Variants in CTNNA3 observed in about 807,000 individuals in gnomAD.
The protein encoded by CTNNA3 is catenin alpha 3, also known as catenin alpha-3.
A neutral mutation model predicts 95.7 loss-of-function variants in CTNNA3; 76 were observed. The ratio of observed to expected loss-of-function variants is 0.79; its 90% CI spans 0.66 to 0.96. The LOEUF is 0.96. Among genes scored for constraint, CTNNA3 ranks in the 40% least tolerant of loss-of-function variants. The pLI is 0.00. For missense variants in CTNNA3, 1,191 were observed against 1,089.8 expected (o/e 1.09, Z -1.31); for synonymous variants, 431 against 374.4 (o/e 1.15, Z -1.74).
At chr10:66,685,160 CGTATATATATATAT>C (rs1564616920) in intron 9 of CTNNA3, among the ~76,000 whole-genome samples, 1 of 129,222 alleles carries the variant, frequency 7.7e-6, no homozygotes, top group African/African-American at 3.0e-5. Context: ...TATATATACA[CGTATATATATATAT>C]ACACATATAT....
chr10:66,318,729 A>G (rs1480388243), intron 12 of CTNNA3, among the ~76,000 whole-genome samples: 1 of 152,062 alleles, frequency 6.6e-6, no homozygotes, highest in East Asian at 1.9e-4. Context: ...AAGTCTTAGT[A>G]TGCACATGTA....
chr10:66,820,214 T>C (rs1842256547), intron 7 of CTNNA3, among the ~76,000 whole-genome samples: 1 of 152,120 alleles, frequency 6.6e-6, no homozygotes. Flanking sequence ...TTGAAAACAT[T>C]ACGCTAAATG....
chr10:67,235,512 T>C (rs552610937), intron 5 of CTNNA3, among the ~76,000 whole-genome samples: 73 of 150,382 alleles, frequency 4.9e-4, no homozygotes, highest in African/African-American at 1.4e-3. Context: ...CAAAAATCAA[T>C]TCAAGATGGA....
At chr10:66,078,817 T>C (rs1003672462) in intron 14 of CTNNA3, 2 of 151,890 alleles carry the variant, frequency 1.3e-5, no homozygotes, top group Admixed American at 6.6e-5. Flanking sequence ...GTTCAATAAA[T>C]AAATATTATA....
At chr10:67,086,584 A>C (rs1857323417) in intron 7 of CTNNA3, among the ~76,000 whole-genome samples, 1 of 151,998 alleles carries the variant, frequency 6.6e-6, no homozygotes, top group African/African-American at 2.4e-5. Flanking sequence ...AGTCTGTTTT[A>C]TAAAGAATGT....
intron 3 of CTNNA3, among the ~76,000 whole-genome samples, chr10:67,560,554 C>G (rs141520333): frequency 1.3e-5 from 2 of 152,256 alleles, no homozygotes; most frequent in Non-Finnish European, 1.5e-5. Context: ...TAAACACCAT[C>G]GAGGCTAGGA....
At chr10:66,882,469 T>C (rs1215769314) in intron 7 of CTNNA3, among the ~76,000 whole-genome samples, 1 of 152,114 alleles carries the variant, frequency 6.6e-6, no homozygotes, top group East Asian at 1.9e-4. Flanking sequence ...CCCCATCTGC[T>C]ATGTGCACCA....
At chr10:67,572,958 G>A (rs1842024739) in intron 3 of CTNNA3, among the ~76,000 whole-genome samples, 1 of 152,122 alleles carries the variant, frequency 6.6e-6, no homozygotes, top group Non-Finnish European at 1.5e-5. Flanking sequence ...GCATGGTGGT[G>A]CACACCTACA....
chr10:67,348,185 A>G (rs1201548602), intron 5 of CTNNA3, among the ~76,000 whole-genome samples: 1 of 152,202 alleles, frequency 6.6e-6, no homozygotes, highest in African/African-American at 2.4e-5. Context: ...ACCTGAAACT[A>G]TAAAACTTCT....
intron 11 of CTNNA3, among the ~76,000 whole-genome samples, chr10:66,437,230 G>C (rs368308459): frequency 6.6e-6 from 1 of 152,126 alleles, no homozygotes; most frequent in East Asian, 1.9e-4. Flanking sequence ...TTTGAATGTT[G>C]GCCTGCCTTG....
At chr10:67,595,793 A>G (rs1312433087) in intron 3 of CTNNA3, among the ~76,000 whole-genome samples, 1 of 152,174 alleles carries the variant, frequency 6.6e-6, no homozygotes, top group Non-Finnish European at 1.5e-5. Context: ...AACTTGTTTT[A>G]TCAATCTGGA....
intron 2 of CTNNA3, among the ~76,000 whole-genome samples, chr10:67,641,946 A>G (rs1271003437): frequency 1.3e-5 from 2 of 152,198 alleles, no homozygotes; most frequent in Admixed American, 1.3e-4. Context: ...AACATGGCAC[A>G]TGTATACATA....
intron 13 of CTNNA3, among the ~76,000 whole-genome samples, chr10:66,235,759 A>G (rs1358054748): frequency 3.0e-5 from 4 of 131,494 alleles, no homozygotes; most frequent in Non-Finnish European, 6.4e-5. Context: ...TATGATAAAA[A>G]TGAACAAAGC....
intron 8 of CTNNA3, among the ~76,000 whole-genome samples, chr10:66,767,869 A>G (rs1839931826): frequency 1.3e-5 from 2 of 152,226 alleles, no homozygotes; most frequent in South Asian, 2.1e-4. Flanking sequence ...ACAATTTAAG[A>G]AAGGCTTCAG....
chr10:66,169,809 T>G (rs1315227002), intron 13 of CTNNA3, among the ~76,000 whole-genome samples: 1 of 152,202 alleles, frequency 6.6e-6, no homozygotes, highest in Non-Finnish European at 1.5e-5. Context: ...TGTTGGCCAT[T>G]TGTATATCTT....
In CTNNA3 at chr10:66,250,274, G is replaced by T. The variant is rs117609122; in HGVS notation, c.1884+30196C>A. On this transcript the variant is annotated intron_variant, in intron 13 of 17. Coordinates refer to ENST00000433211, the MANE Select transcript of CTNNA3 (RefSeq NM_013266.4). Reference sequence around the variant, plus strand: ...AAGAATAGTTACCAGAAGCTGGGAAGGGTAGTTGGGGACTTAGGGGGAAGT... The same window carrying T: ...AAGAATAGTTACCAGAAGCTGGGAATGGTAGTTGGGGACTTAGGGGGAAGT... Among the ~76,000 whole-genome samples the T allele has an allele frequency of 3.5e-3, 529 of 152,252 alleles. 4 individuals carry two copies. The highest frequency in any genetic ancestry group is 0.028 in the South Asian group (135 of 4,826).
At chr10:66,093,379 G>A (rs2081282280) in intron 14 of CTNNA3, among the ~76,000 whole-genome samples, 1 of 152,026 alleles carries the variant, frequency 6.6e-6, no homozygotes, top group Admixed American at 6.6e-5. Context: ...CTTTTCAGCA[G>A]AAGTTTTTGT....
At chr10:66,131,080 A>G (rs1279865566) in intron 13 of CTNNA3, among the ~76,000 whole-genome samples, 18 of 151,394 alleles carry the variant, frequency 1.2e-4, no homozygotes, top group Middle Eastern at 3.4e-3. Context: ...AAAAAAAAAA[A>G]AAGAAGAAGA....
chr10:66,869,989 T>C (rs1844334930), intron 7 of CTNNA3, among the ~76,000 whole-genome samples: 2 of 152,198 alleles, frequency 1.3e-5, no homozygotes, highest in African/African-American at 4.8e-5. Context: ...CACAACACTA[T>C]ATTCACTTCT....
Sources: gnomAD v4.1 joint callset for allele counts (sites outside exome capture counted in the v4.1 genomes callset) on GRCh38, gnomAD v4.1.1 for gene constraint, MANE v1.5 for transcripts, NCBI Gene and HGNC (gene_info 2026-07-23, HGNC 2026-07-21) for gene names.